Variants in DCDC2 observed in about 807,000 individuals in gnomAD.
The protein encoded by DCDC2 is doublecortin domain containing 2, also known as doublecortin domain-containing protein 2.
Under a neutral mutation model 50.2 loss-of-function variants are expected in DCDC2, and 40 were observed. The observed-to-expected ratio is 0.80, with a 90% CI of 0.62 to 1.04. The LOEUF (loss-of-function observed/expected upper bound fraction) is 1.04, where lower values mean the gene tolerates loss of function less well. Among genes scored for constraint, DCDC2 ranks in the 50% least tolerant of loss-of-function variants. The pLI, the probability that DCDC2 is intolerant of heterozygous loss-of-function variation, is 0.00. For synonymous variants in DCDC2, 234 were observed against 210.6 expected (o/e 1.11, Z -0.96); for missense variants, 570 against 581.9 (o/e 0.98, Z 0.21).
chr6:24,380,509 G>A, the DCDC2 span, among the ~76,000 whole-genome samples: 1,963 of 151,902 alleles, frequency 0.013, 34 homozygotes, highest in African/African-American at 0.042. Context: ...AGAGAGTTCC[G>A]TTGCATGAGC....
chr6:24,198,118 G>A (rs1402827816), intron 8 of DCDC2, among the ~76,000 whole-genome samples: 1 of 152,116 alleles, frequency 6.6e-6, no homozygotes, highest in Non-Finnish European at 1.5e-5. Flanking sequence ...CATTTATACA[G>A]GCAATTCCTT....
At chr6:24,377,991 G>GA in the DCDC2 span, among the ~76,000 whole-genome samples, 1 of 152,130 alleles carries the variant, frequency 6.6e-6, no homozygotes, top group Non-Finnish European at 1.5e-5. Context: ...TTCCATCTCA[G>GA]AAAAAAGGTG....
intron 2 of DCDC2, among the ~76,000 whole-genome samples, chr6:24,310,124 T>G (rs187553493): frequency 2.6e-4 from 40 of 152,358 alleles, no homozygotes; most frequent in South Asian, 8.3e-4. Flanking sequence ...TGATTAATTT[T>G]CATAGTAGAT....
At chr6:24,217,808 CT>C (rs1418903926) in intron 7 of DCDC2, among the ~76,000 whole-genome samples, 1 of 152,154 alleles carries the variant, frequency 6.6e-6, no homozygotes, top group African/African-American at 2.4e-5. Context: ...CGATACCTTG[CT>C]CAAGATATAA....
rs1763401677 is a variant in DCDC2 at position 24,278,193 on chromosome 6, TA to T, written c.777del (p.Lys260SerfsTer15). ...TTGTCACTGGATCCAACTGTTGACT[TA>T]GAGTGGCGATCATTTCCCTAAATGG... ...KSKGSGNDRH[S>X]KSTVGSSDNS... On this transcript the variant is annotated frameshift_variant, in exon 7 of 10. Transcript: ENST00000378454. LOFTEE classifies it high-confidence loss of function. 1.2e-6 allele frequency: 2 copies of T among 1,609,532 alleles called. No homozygotes were observed. The highest frequency in any genetic ancestry group is 1.3e-5 in the African/African-American group (1 of 74,460).
At chr6:24,300,183 AG>A (rs2113836837) in intron 4 of DCDC2, among the ~76,000 whole-genome samples, 1 of 152,172 alleles carries the variant, frequency 6.6e-6, no homozygotes, top group East Asian at 1.9e-4. Context: ...TGACCCCAGG[AG>A]TTCAAGACCA....
At chr6:24,309,773 C>T (rs1056083180) in intron 2 of DCDC2, among the ~76,000 whole-genome samples, 19 of 151,982 alleles carry the variant, frequency 1.3e-4, no homozygotes, top group Admixed American at 1.0e-3. Flanking sequence ...CAGAGACAGG[C>T]AGACTGGAAA....
chr6:24,317,381 T>C (rs573891855), intron 2 of DCDC2, among the ~76,000 whole-genome samples: 1 of 152,174 alleles, frequency 6.6e-6, no homozygotes. Context: ...GCATTTCAAA[T>C]CACTGGAGCA....
intron 6 of DCDC2, among the ~76,000 whole-genome samples, chr6:24,288,225 C>T (rs1000302264): frequency 6.6e-6 from 1 of 152,202 alleles, no homozygotes; most frequent in Non-Finnish European, 1.5e-5. Context: ...AAAGAGAAGC[C>T]TCAGCCAGGA....
chr6:24,379,699 C>A, the DCDC2 span, among the ~76,000 whole-genome samples: 1 of 152,074 alleles, frequency 6.6e-6, no homozygotes, highest in Non-Finnish European at 1.5e-5. Context: ...GGTATATACC[C>A]AAAGGATTAT....
rs182014603 is a variant in DCDC2 at position 24,216,335 on chromosome 6, A to G, written c.923-11233T>C. ...AATAGTAAAAGGTAACAGGAAAAAA[A>G]AAAGAGTAGGCTGTCAAGGAAGATG... On this transcript the variant is annotated intron_variant, in intron 7 of 9. Transcript: ENST00000378454. Among the ~76,000 whole-genome samples the G allele has an allele frequency of 1.0e-3, 154 of 152,320 alleles. 1 individual carries two copies. The highest frequency in any genetic ancestry group is 3.6e-3 in the African/African-American group (151 of 41,568).
intron 2 of DCDC2, among the ~76,000 whole-genome samples, chr6:24,313,385 A>T (rs1312214210): frequency 2.0e-5 from 3 of 152,182 alleles, no homozygotes; most frequent in Admixed American, 6.5e-5. Context: ...TGGGGAAAAA[A>T]AAAATAAAAG....
rs1163079631 is a variant in DCDC2, at chr6:24,306,571, C to G, written c.349-4527G>C. Among the ~76,000 whole-genome samples, 4 of 148,214 alleles carry G rather than the reference C, an allele frequency of 2.7e-5. No individual in the cohort carries two copies. The East Asian group carries it at 5.8e-4, about 21-fold the overall frequency. On this transcript the variant is annotated intron_variant, in intron 2 of 9. Transcript: ENST00000378454. ...ACAGACAGACAGACAGACAGACAGACAGACAAAATATTTCTTGGAAATATT... is the reference window on the plus strand; with the variant it reads ...ACAGACAGACAGACAGACAGACAGAGAGACAAAATATTTCTTGGAAATATT...
chr6:24,184,688 C>A (rs1024915847), intron 8 of DCDC2, among the ~76,000 whole-genome samples: 1 of 152,152 alleles, frequency 6.6e-6, no homozygotes, highest in Admixed American at 6.5e-5. Flanking sequence ...AATTGTCTAG[C>A]AGAGTACCTG....
intron 2 of DCDC2, among the ~76,000 whole-genome samples, chr6:24,340,697 A>G (rs141393001): frequency 5.9e-5 from 9 of 152,282 alleles, no homozygotes; most frequent in African/African-American, 2.2e-4. Context: ...ATGCAACTTG[A>G]ATGATATTAG....
chr6:24,196,223 CTTTTT>C (rs11347091), intron 8 of DCDC2, among the ~76,000 whole-genome samples: 2 of 147,490 alleles, frequency 1.4e-5, no homozygotes, highest in Non-Finnish European at 3.0e-5. Flanking sequence ...TAATAATTGG[CTTTTT>C]TTTTTTATGC....
At position 24,242,875 on chromosome 6, in the gene DCDC2, T is replaced by C. The variant is rs570220404; in HGVS notation, c.922+35174A>G. The stretch of plus-strand genomic sequence containing the variant: ...TACATAGGAGGCTGAGGCAGGAGAA[T>C]TGCTTGAAACCAAGAGGCACAAGTT... On this transcript the variant is annotated intron_variant, in intron 7 of 9. Coordinates refer to ENST00000378454, the MANE Select transcript of DCDC2 (RefSeq NM_016356.5). 3.9e-5 allele frequency among the ~76,000 whole-genome samples: 6 copies of C among 151,914 alleles called. No individual in the cohort carries two copies. The East Asian group carries it at 9.7e-4, about 25-fold the overall frequency.
the DCDC2 span, among the ~76,000 whole-genome samples, chr6:24,372,772 G>C: frequency 6.6e-6 from 1 of 152,102 alleles, no homozygotes; most frequent in African/African-American, 2.4e-5. Context: ...GTCGTGGGGT[G>C]GGGAGAGGGG....
intron 7 of DCDC2, among the ~76,000 whole-genome samples, chr6:24,237,535 G>A (rs1762472108): frequency 6.6e-6 from 1 of 152,166 alleles, no homozygotes; most frequent in Non-Finnish European, 1.5e-5. Flanking sequence ...ACTAAAAATA[G>A]AACTATAATT....
Sources: gnomAD v4.1 joint callset for allele counts (sites outside exome capture counted in the v4.1 genomes callset) on GRCh38, gnomAD v4.1.1 for gene constraint, MANE v1.5 for transcripts, NCBI Gene and HGNC (gene_info 2026-07-23, HGNC 2026-07-21) for gene names.